Variants in PDZRN3 observed in about 807,000 individuals in gnomAD.
The protein encoded by PDZRN3 is E3 ubiquitin-protein ligase PDZRN3.
A neutral mutation model predicts 85.7 loss-of-function variants in PDZRN3; 38 were observed. The ratio of observed to expected loss-of-function variants is 0.44; its 90% CI spans 0.34 to 0.58. PDZRN3 has a LOEUF of 0.58. Ranked by LOEUF, PDZRN3 falls within the 20% of genes least tolerant of loss-of-function variation. The probability of loss-of-function intolerance (pLI) is 0.01; values close to 1 mark genes in which losing one functional copy is unlikely to be tolerated. For missense variants in PDZRN3, 1,629 were observed against 1,506.4 expected (o/e 1.08, Z -1.35); for synonymous variants, 759 against 638.0 (o/e 1.19, Z -2.86).
chr3:73,474,906 G>C (rs1313671142), intron 3 of PDZRN3, among the ~76,000 whole-genome samples: 1 of 152,120 alleles, frequency 6.6e-6, no homozygotes, highest in Non-Finnish European at 1.5e-5. Flanking sequence ...TTAATGGAGG[G>C]TTGTGGGGTG....
intron 3 of PDZRN3, among the ~76,000 whole-genome samples, chr3:73,472,732 T>C (rs1703369944): frequency 6.6e-6 from 1 of 152,230 alleles, no homozygotes; most frequent in African/African-American, 2.4e-5. Context: ...ATCTTCATTA[T>C]GGCAACTTAA....
intron 3 of PDZRN3, among the ~76,000 whole-genome samples, chr3:73,422,513 GA>G (rs1431638340): frequency 6.6e-6 from 1 of 152,164 alleles, no homozygotes; most frequent in Non-Finnish European, 1.5e-5. Context: ...AAAAATCACT[GA>G]AATATTAATT....
chr3:73,490,959 T>C (rs1466206131), intron 3 of PDZRN3, among the ~76,000 whole-genome samples: 2 of 152,236 alleles, frequency 1.3e-5, no homozygotes, highest in Admixed American at 1.3e-4. Context: ...CCCTCTCATG[T>C]TGAAACTGCA....
At chr3:73,452,988 T>C (rs1052975587) in intron 3 of PDZRN3, among the ~76,000 whole-genome samples, 4 of 151,976 alleles carry the variant, frequency 2.6e-5, no homozygotes, top group East Asian at 1.9e-4. Context: ...ATAAATGACA[T>C]AGGAAATGGA....
At chr3:73,608,305 T>C (rs933511842) in intron 2 of PDZRN3, among the ~76,000 whole-genome samples, 1 of 152,166 alleles carries the variant, frequency 6.6e-6, no homozygotes, top group Non-Finnish European at 1.5e-5. Context: ...CGCAACTTCA[T>C]TCAGCCCAAC....
At chr3:73,404,612 T>A (rs1701817981) in intron 3 of PDZRN3, 10 of 501,366 alleles carry the variant, frequency 2.0e-5, no homozygotes, top group Non-Finnish European at 3.5e-5. Context: ...CAATAATAAA[T>A]CTCACAGCGG....
At position 73,553,576 on chromosome 3, in the gene PDZRN3, T is replaced by TAA. The variant is rs5850118; in HGVS notation, c.918+48776_918+48777dup. ...GGGTGTGACAGAGTAAGACTCCATCTAAAAAAAAAAAAAAAGAACTATTAT... is the reference window on the plus strand; with the variant it reads ...GGGTGTGACAGAGTAAGACTCCATCTAAAAAAAAAAAAAAAAAGAACTATTAT... On this transcript the variant is annotated intron_variant, in intron 3 of 9. Transcript: ENST00000263666. Among the ~76,000 whole-genome samples the TAA allele has an allele frequency of 6.5e-4, 89 of 136,712 alleles. 1 individual carries two copies. The highest frequency in any genetic ancestry group is 2.4e-3 in the East Asian group (11 of 4,672). 89.7% of individuals were successfully genotyped at this position (136,712 alleles called of 152,430 possible).
chr3:73,400,651 G>GTA (rs1391562703), intron 5 of PDZRN3, among the ~76,000 whole-genome samples: 1 of 152,140 alleles, frequency 6.6e-6, no homozygotes, highest in African/African-American at 2.4e-5. Context: ...TGGATTCAAA[G>GTA]GTTGACAACA....
intron 3 of PDZRN3, among the ~76,000 whole-genome samples, chr3:73,539,956 T>C (rs114174580): frequency 2.3e-3 from 355 of 152,200 alleles, no homozygotes; most frequent in African/African-American, 7.9e-3. Context: ...GGAAAAAATA[T>C]GTTAAAGTAC....
Position 73,388,085 on chromosome 3 carries a change from G to T in PDZRN3, c.1417-16C>A, listed in dbSNP as rs200178819. 1.4e-5 allele frequency: 16 copies of T among 1,139,084 alleles called. No homozygotes were observed. The highest frequency in any genetic ancestry group is 2.1e-4 in the Middle Eastern group (1 of 4,860). The allele number at this position is 1,139,084 out of a possible 1,614,324, so 70.6% of individuals were successfully genotyped here. ...TCCCATTAATCTTTTAAAAAAAAAGGGGGGGTGGGGAGAGTGGGGAGACAA... is the reference window on the plus strand; with the variant it reads ...TCCCATTAATCTTTTAAAAAAAAAGTGGGGGTGGGGAGAGTGGGGAGACAA... On this transcript the variant is annotated splice_polypyrimidine_tract_variant and intron_variant, in intron 7 of 9. Transcript: ENST00000263666.
chr3:73,470,690 C>T (rs1481820250), intron 3 of PDZRN3, among the ~76,000 whole-genome samples: 3 of 152,214 alleles, frequency 2.0e-5, no homozygotes, highest in African/African-American at 7.2e-5. Flanking sequence ...GAGAAGCCAG[C>T]CACAGGTGGA....
In PDZRN3 at chr3:73,383,509, T is replaced by A. The variant is rs1462365051; in HGVS notation, c.3057A>T (p.Glu1019Asp). The A allele has an allele frequency of 6.2e-7, 1 of 1,614,196 alleles. No homozygotes were observed. Among genetic ancestry groups the A allele is most frequent in the East Asian group, 2.2e-5 (1 of 44,876 alleles). Residue 1019 changes from glutamate (E) to aspartate (D), a missense_variant, in exon 10 of 10, where the codon GAA (glutamate) becomes GAT (aspartate). Transcript: ENST00000263666. ...ADDRKEMNIL[E>D]LSHKKMMKKR... is the part of the protein sequence containing the mutation. ...TCTTCATCATCTTTTTGTGGCTCAG[T>A]TCGAGAATGTTCATCTCCTTCCTGT...
chr3:73,399,843 T>C (rs1286853397), intron 5 of PDZRN3, among the ~76,000 whole-genome samples: 2 of 152,226 alleles, frequency 1.3e-5, no homozygotes, highest in African/African-American at 4.8e-5. Flanking sequence ...AACAAGTCCT[T>C]TGATTTGACT....
At chr3:73,503,762 T>C (rs1453940490) in intron 3 of PDZRN3, among the ~76,000 whole-genome samples, 1 of 152,210 alleles carries the variant, frequency 6.6e-6, no homozygotes, top group Admixed American at 6.5e-5. Flanking sequence ...GTAAAAGCTT[T>C]GAACTTTTTT....
At position 73,389,930 on chromosome 3, in the gene PDZRN3, A is replaced by G. The variant is rs773826520; in HGVS notation, c.1354-52T>C. On this transcript the variant is annotated intron_variant, in intron 6 of 9. Transcript: ENST00000263666. Reference sequence around the variant, plus strand: ...GCAAACGCAGACATGCATGAAAATAAGCAACAGCACTTTCAAAACCATTTC... The same window carrying G: ...GCAAACGCAGACATGCATGAAAATAGGCAACAGCACTTTCAAAACCATTTC... 5 of 1,288,210 alleles carry G rather than the reference A, an allele frequency of 3.9e-6. No individual in the cohort carries two copies. In the South Asian group the frequency reaches 5.9e-5, roughly 15 times the overall value. The allele number at this position is 1,288,210 out of a possible 1,614,324, so 79.8% of individuals were successfully genotyped here.
rs1455239968 is a variant in PDZRN3, at chr3:73,418,940, CTT to C, written c.919-14547_919-14546del. Among the ~76,000 whole-genome samples the C allele has an allele frequency of 4.6e-5, 7 of 152,310 alleles. No homozygotes were observed. The East Asian group carries it at 1.4e-3, about 29-fold the overall frequency. On this transcript the variant is annotated intron_variant, in intron 3 of 9. Coordinates refer to ENST00000263666, the MANE Select transcript of PDZRN3 (RefSeq NM_015009.3). Reference sequence around the variant, plus strand: ...CCTGGCCAAAGCACAGTTCTGAAATCTTTTCTTTGTTGTCGAATTGTTAGAGT... The same window carrying C: ...CCTGGCCAAAGCACAGTTCTGAAATCTTCTTTGTTGTCGAATTGTTAGAGT...
At chr3:73,425,100 C>T (rs1702285849) in intron 3 of PDZRN3, among the ~76,000 whole-genome samples, 1 of 151,592 alleles carries the variant, frequency 6.6e-6, no homozygotes, top group East Asian at 1.9e-4. Flanking sequence ...CTGCAAGCTC[C>T]ACCTCCCAGG....
chr3:73,517,159 A>T (rs1704271185), intron 3 of PDZRN3, among the ~76,000 whole-genome samples: 1 of 152,210 alleles, frequency 6.6e-6, no homozygotes, highest in Non-Finnish European at 1.5e-5. Context: ...TAGAAAGGTG[A>T]TACAGTGGAA....
intron 3 of PDZRN3, among the ~76,000 whole-genome samples, chr3:73,526,745 T>G (rs1191323516): frequency 6.6e-6 from 1 of 152,126 alleles, no homozygotes; most frequent in African/African-American, 2.4e-5. Context: ...TGGAGTGCAG[T>G]GGGGTGATCT....
Sources: gnomAD v4.1 joint callset for allele counts (sites outside exome capture counted in the v4.1 genomes callset) on GRCh38, gnomAD v4.1.1 for gene constraint, MANE v1.5 for transcripts, NCBI Gene and HGNC (gene_info 2026-07-23, HGNC 2026-07-21) for gene names.